Variants in SLC39A12 observed in about 807,000 individuals in gnomAD.
The protein encoded by SLC39A12 is solute carrier family 39 member 12, also known as zinc transporter ZIP12.
In SLC39A12, 63 loss-of-function variants were observed where a neutral mutation model predicts 71.1. That is an observed-to-expected ratio of 0.89 (90% confidence interval 0.72 to 1.09). SLC39A12 has a LOEUF of 1.09. SLC39A12 is among the 50% of genes least tolerant of loss of function. The pLI is 0.00. For missense variants in SLC39A12, 892 were observed against 812.6 expected (o/e 1.10, Z -1.19); for synonymous variants, 351 against 301.3 (o/e 1.16, Z -1.71).
intron 12 of SLC39A12, among the ~76,000 whole-genome samples, chr10:18,020,714 T>A (rs1363586827): frequency 6.6e-6 from 1 of 152,158 alleles, no homozygotes; most frequent in South Asian, 2.1e-4. Flanking sequence ...GTTTCCCTAA[T>A]GATTAGTGAT....
intron 12 of SLC39A12, among the ~76,000 whole-genome samples, chr10:18,007,663 A>G (rs951424293): frequency 1.3e-5 from 2 of 152,198 alleles, no homozygotes; most frequent in Non-Finnish European, 2.9e-5. Flanking sequence ...GGGTTGGATT[A>G]TTCATTCCCC....
chr10:17,998,676 A>T (rs1039417391), intron 10 of SLC39A12, among the ~76,000 whole-genome samples: 11 of 152,228 alleles, frequency 7.2e-5, no homozygotes, highest in Admixed American at 3.3e-4. Context: ...ATATTTCTAA[A>T]TACCCATGAT....
intron 12 of SLC39A12, among the ~76,000 whole-genome samples, chr10:18,019,245 T>C (rs1457975346): frequency 6.6e-6 from 1 of 152,062 alleles, no homozygotes; most frequent in Non-Finnish European, 1.5e-5. Context: ...TGACATCCTC[T>C]CTTTGATTTC....
chr10:17,987,154 C>T (rs1189321556), intron 6 of SLC39A12, among the ~76,000 whole-genome samples: 1 of 152,004 alleles, frequency 6.6e-6, no homozygotes, highest in Non-Finnish European at 1.5e-5. Flanking sequence ...CATGACGAAA[C>T]CCCATCTCTA....
At position 17,995,751 on chromosome 10, in the gene SLC39A12, G is replaced by C. The variant is rs778073633; in HGVS notation, c.1600+29G>C. ...AGTACCAAGCTAAACTTTACATGTG[G>C]AAAGTGCCATAGAAAAACAGTTATG... On this transcript the variant is annotated intron_variant, in intron 10 of 12. Coordinates refer to ENST00000377369, the MANE Select transcript of SLC39A12 (RefSeq NM_001145195.2). The C allele has an allele frequency of 7.0e-6, 11 of 1,577,664 alleles. No homozygotes were observed. The East Asian group carries it at 2.2e-4, about 32-fold the overall frequency.
At chr10:17,961,493 G>C in intron 2 of SLC39A12, 88 bp from the exon 3 acceptor site, 1 of 1,266,062 alleles carries the variant, frequency 7.9e-7, no homozygotes, top group Non-Finnish European at 1.1e-6. Context: ...AAAATGATAA[G>C]CAATGAAGAC....
At chr10:17,957,029 ACCTTAT>A (rs1834568659) in intron 2 of SLC39A12, among the ~76,000 whole-genome samples, 5 of 152,136 alleles carry the variant, frequency 3.3e-5, no homozygotes, top group African/African-American at 4.8e-5. Flanking sequence ...AGAAAAAAAC[ACCTTAT>A]AGAAACCTGA....
intron 12 of SLC39A12, among the ~76,000 whole-genome samples, chr10:18,035,587 C>G (rs1219736578): frequency 2.0e-5 from 3 of 152,008 alleles, no homozygotes; most frequent in East Asian, 3.9e-4. Flanking sequence ...TTTGCCTTTG[C>G]TTTGAATGTC....
At chr10:17,964,192 G>A (rs1031567653) in intron 3 of SLC39A12, among the ~76,000 whole-genome samples, 4 of 152,142 alleles carry the variant, frequency 2.6e-5, no homozygotes, top group African/African-American at 4.8e-5. Flanking sequence ...CAGCCTGCAC[G>A]AAACACTCAT....
chr10:18,005,447 C>G (rs144278970), intron 12 of SLC39A12: 1 of 152,312 alleles, frequency 6.6e-6, no homozygotes, highest in East Asian at 1.9e-4. Context: ...CAGATTCACT[C>G]TTGAGCTTCC....
chr10:17,963,607 AG>A (rs1834747680), intron 3 of SLC39A12, among the ~76,000 whole-genome samples: 1 of 152,192 alleles, frequency 6.6e-6, no homozygotes, highest in South Asian at 2.1e-4. Context: ...GTTCCTGGGA[AG>A]GGTCCATGAG....
intron 12 of SLC39A12, 158 bp downstream of exon 12, chr10:18,003,516 A>G (rs1437632328): frequency 3.4e-6 from 2 of 595,434 alleles, no homozygotes; most frequent in Non-Finnish European, 5.3e-6. Flanking sequence ...AAGAAAGTGC[A>G]TTCTGGGCAG....
Position 17,977,854 on chromosome 10 carries a change from G to A in SLC39A12, c.752-48G>A, listed in dbSNP as rs1926740. On this transcript the variant is annotated intron_variant, in intron 4 of 12. Transcript: ENST00000377369. The stretch of plus-strand genomic sequence containing the variant: ...TAGCTATGTGAAATTGTGACTATTC[G>A]GAACTTATCTATTCTATGTGACACC... 877 of 1,380,800 alleles carry A rather than the reference G, an allele frequency of 6.4e-4. 4 individuals are homozygous for A. The highest frequency in any genetic ancestry group is 1.8e-3 in the Admixed American group (70 of 39,620). The allele number at this position is 1,380,800 out of a possible 1,614,324, so 85.5% of individuals were successfully genotyped here.
At chr10:17,991,025 T>A in intron 7 of SLC39A12, 126 bp from the exon 8 acceptor site, 1 of 960,836 alleles carries the variant, frequency 1.0e-6, no homozygotes, top group Non-Finnish European at 1.4e-6. Context: ...GTATTAATAG[T>A]TGTCACGGCA....
intron 5 of SLC39A12, among the ~76,000 whole-genome samples, chr10:17,980,446 G>T (rs1167117064): frequency 1.3e-5 from 2 of 152,060 alleles, no homozygotes; most frequent in Non-Finnish European, 1.5e-5. Flanking sequence ...CATTGCATTG[G>T]GGTCTTATTT....
chr10:17,979,807 A>G (rs941551317), intron 5 of SLC39A12, among the ~76,000 whole-genome samples: 2 of 152,162 alleles, frequency 1.3e-5, no homozygotes, highest in Non-Finnish European at 2.9e-5. Flanking sequence ...AACTAAATGG[A>G]TGCCTGACCC....
At chr10:17,976,527 C>A (rs951057393) in intron 4 of SLC39A12, among the ~76,000 whole-genome samples, 12 of 152,290 alleles carry the variant, frequency 7.9e-5, no homozygotes, top group African/African-American at 2.9e-4. Flanking sequence ...AAGCGATTCT[C>A]CCATCTCAGC....
chr10:18,024,318 T>C (rs1836615400), intron 12 of SLC39A12, among the ~76,000 whole-genome samples: 1 of 152,070 alleles, frequency 6.6e-6, no homozygotes, highest in East Asian at 1.9e-4. Flanking sequence ...AAAGCGGCTC[T>C]GCCCTGACTC....
intron 6 of SLC39A12, among the ~76,000 whole-genome samples, chr10:17,987,243 G>T (rs1018033932): frequency 1.9e-4 from 29 of 152,288 alleles, no homozygotes; most frequent in African/African-American, 6.7e-4. Context: ...GCTGAGGTGG[G>T]AGGATCACTT....
Sources: gnomAD v4.1 joint callset for allele counts (sites outside exome capture counted in the v4.1 genomes callset) on GRCh38, gnomAD v4.1.1 for gene constraint, MANE v1.5 for transcripts, NCBI Gene and HGNC (gene_info 2026-07-23, HGNC 2026-07-21) for gene names.